GALNT5: variants seen among roughly 807,000 people sequenced by gnomAD.
The protein encoded by GALNT5 is UDP-GalNAc:polypeptide N-acetylgalactosaminyltransferase 5.
Under a neutral mutation model 85.4 loss-of-function variants are expected in GALNT5, and 72 were observed. The ratio of observed to expected loss-of-function variants is 0.84; its 90% CI spans 0.70 to 1.03. GALNT5 has a LOEUF of 1.03. Among genes scored for constraint, GALNT5 ranks in the 50% least tolerant of loss-of-function variants. GALNT5 has a pLI of 0.00. For synonymous variants in GALNT5, 404 were observed against 397.0 expected (o/e 1.02, Z -0.21); for missense variants, 1,137 against 1,135.5 (o/e 1.00, Z -0.02).
chr2:157,263,551 G>A (rs186388906), intron 1 of GALNT5, among the ~76,000 whole-genome samples: 4 of 152,252 alleles, frequency 2.6e-5, no homozygotes, highest in African/African-American at 4.8e-5. Flanking sequence ...ATCCTTGAAC[G>A]TCTGTTTTTC....
At chr2:157,271,124 G>C (rs2105125610) in intron 1 of GALNT5, among the ~76,000 whole-genome samples, 1 of 151,718 alleles carries the variant, frequency 6.6e-6, no homozygotes, top group African/African-American at 2.4e-5. Context: ...AAATGTGAAA[G>C]CGTTGTCAGA....
At chr2:157,274,762 T>G (rs1200881321) in intron 1 of GALNT5, among the ~76,000 whole-genome samples, 2 of 152,214 alleles carry the variant, frequency 1.3e-5, no homozygotes, top group Admixed American at 1.3e-4. Flanking sequence ...TGCAAAAATT[T>G]TCTCCCATTC....
chr2:157,287,964 C>T (rs1225982387), intron 3 of GALNT5, among the ~76,000 whole-genome samples: 1 of 152,192 alleles, frequency 6.6e-6, no homozygotes, highest in East Asian at 1.9e-4. Flanking sequence ...CACAGTGAGG[C>T]TGTGCCTTAT....
rs1683214099 is a variant in GALNT5, at chr2:157,296,400, G to A, written c.1884G>A (p.Met628Ile). The A allele has an allele frequency of 5.0e-6, 8 of 1,608,880 alleles. No individual in the cohort carries two copies. The highest frequency in any genetic ancestry group is 6.0e-6 in the Non-Finnish European group (7 of 1,175,474). Reference protein sequence around the residue: ...EVINDKDMSYMTVDNFQRGIF... With the variant: ...EVINDKDMSYITVDNFQRGIF... The stretch of plus-strand genomic sequence containing the variant: ...TTTTCATTTCCTGGATTAGTTACAT[G>A]ACAGTGGATAACTTTCAAAGAGGCA... Residue 628 changes from methionine (M) to isoleucine (I), a missense_variant, in exon 5 of 10, where the codon ATG becomes ATA. Physicochemically the swap from Met to Ile is conservative, Grantham distance 10 (BLOSUM62 1). Coordinates refer to ENST00000259056, the MANE Select transcript of GALNT5 (RefSeq NM_014568.3).
At chr2:157,310,315 C>A (rs1683542605) in intron 9 of GALNT5, among the ~76,000 whole-genome samples, 1 of 152,050 alleles carries the variant, frequency 6.6e-6, no homozygotes, top group African/African-American at 2.4e-5. Flanking sequence ...TTCAGTTTTT[C>A]AGTAGTTTTC....
intron 1 of GALNT5, among the ~76,000 whole-genome samples, chr2:157,282,781 T>C (rs144930369): frequency 1.4e-3 from 208 of 152,316 alleles, no homozygotes; most frequent in Non-Finnish European, 2.5e-3. Flanking sequence ...CATATTTCCT[T>C]ATATATCCTA....
rs141104683 is a variant in GALNT5, at chr2:157,300,961, C to G, written c.2401C>G (p.Pro801Ala). The G allele has an allele frequency of 2.2e-4, 359 of 1,613,968 alleles. 2 individuals carry two copies. Among genetic ancestry groups the G allele is most frequent in the Non-Finnish European group, 2.9e-4 (339 of 1,179,928 alleles). Residue 801 changes from proline to alanine, a missense_variant, in exon 7 of 10, where the codon CCT (proline) becomes GCT (alanine). Coordinates refer to ENST00000259056, the MANE Select transcript of GALNT5 (RefSeq NM_014568.3). The stretch of plus-strand genomic sequence containing the variant: ...CAAATGGTACTTGGAGAATGTCTTT[C>G]CTGACTTAAGGGCTCCCATTGTGAG... ...SFKWYLENVF[P>A]DLRAPIVRAS...
At position 157,259,086 on chromosome 2, in the gene GALNT5, C is replaced by A; in HGVS notation, c.1004C>A (p.Pro335His). 1 of 1,481,394 alleles carries A rather than the reference C, an allele frequency of 6.8e-7. No homozygotes were observed. Among genetic ancestry groups the A allele is most frequent in the Non-Finnish European group, 9.0e-7 (1 of 1,114,662 alleles). The allele number at this position is 1,481,394 out of a possible 1,614,324, so 91.8% of individuals were successfully genotyped here. Residue 335 changes from proline to histidine, a missense_variant, in exon 1 of 10, where the codon CCC becomes CAC. Physicochemically the swap from Pro to His is moderately conservative, Grantham distance 77. Transcript: ENST00000259056. Reference protein sequence around the residue: ...ITKEEEQKADPKEVSNSKTKT... With the variant: ...ITKEEEQKADHKEVSNSKTKT... ...AAAGAGGAAGAGCAAAAGGCAGACC[C>A]CAAAGAGGTCTCTAATTCTAAAACC...
rs1682220583 is a variant in GALNT5 at position 157,257,878 on chromosome 2, G to A, written c.-205G>A. 1 of 602,600 alleles carries A rather than the reference G, an allele frequency of 1.7e-6. No homozygotes were observed. The highest frequency in any genetic ancestry group is 1.8e-5 in the African/African-American group (1 of 54,582). 37.3% of individuals were successfully genotyped at this position (602,600 alleles called of 1,614,324 possible). The stretch of plus-strand genomic sequence containing the variant: ...CCAGCCAAGCAGGCACAGATGCTCT[G>A]CTATGAAATGCCACGCAGGCAGAGA... On this transcript the variant is annotated 5_prime_UTR_variant, in exon 1 of 10. Coordinates refer to ENST00000259056, the MANE Select transcript of GALNT5 (RefSeq NM_014568.3).
intron 7 of GALNT5, 54 bp from the exon 8 acceptor site, chr2:157,305,695 T>C: frequency 1.0e-6 from 1 of 987,936 alleles, no homozygotes; most frequent in Non-Finnish European, 1.6e-6. Flanking sequence ...TGTCTGAATG[T>C]CTTGTTTTAC....
rs1193940152 is a variant in GALNT5, at chr2:157,316,757, A to C, written c.*5409A>C. Among the ~76,000 whole-genome samples, 1 of 152,194 alleles carries C rather than the reference A, an allele frequency of 6.6e-6. No homozygotes were observed. The highest frequency in any genetic ancestry group is 1.9e-4 in the East Asian group (1 of 5,200). ...TTGGTGGTGTCTGTATCTCAAAGAA[A>C]GAAAAAAATAACATCACACTAAACA... On this transcript the variant is annotated 3_prime_UTR_variant, in exon 10 of 10. Coordinates refer to ENST00000259056, the MANE Select transcript of GALNT5 (RefSeq NM_014568.3).
At chr2:157,267,105 A>G (rs987617955) in intron 1 of GALNT5, among the ~76,000 whole-genome samples, 2 of 152,200 alleles carry the variant, frequency 1.3e-5, no homozygotes, top group Admixed American at 6.5e-5. Context: ...GTTGGGAAAA[A>G]GGAGATAAAA....
intron 1 of GALNT5, among the ~76,000 whole-genome samples, chr2:157,275,736 G>A (rs1682709487): frequency 6.6e-6 from 1 of 152,180 alleles, no homozygotes; most frequent in South Asian, 2.1e-4. Flanking sequence ...CTGAAACAAT[G>A]GAGTTTTTTA....
chr2:157,296,362 G>GA, intron 4 of GALNT5, 32 bp from the exon 5 acceptor site: 1 of 1,569,532 alleles, frequency 6.4e-7, no homozygotes, highest in Non-Finnish European at 8.8e-7. Flanking sequence ...TATAATCCCA[G>GA]ATAACACTTT....
At chr2:157,280,712 T>C (rs944485698) in intron 1 of GALNT5, among the ~76,000 whole-genome samples, 4 of 152,218 alleles carry the variant, frequency 2.6e-5, no homozygotes, top group African/African-American at 4.8e-5. Context: ...CATGTTGAAA[T>C]GTGACCTCCA....
At position 157,312,189 on chromosome 2, in the gene GALNT5, C is replaced by T. The variant is rs1393862766; in HGVS notation, c.*841C>T. 6.6e-6 allele frequency: 1 copy of T among 152,064 alleles called. No homozygotes were observed. Among genetic ancestry groups the T allele is most frequent in the Non-Finnish European group, 1.5e-5 (1 of 68,012 alleles). The allele number at this position is 152,064 out of a possible 1,614,324, so 9.4% of individuals were successfully genotyped here. ...AAAATGCATTTAAGCATTGAATGCA[C>T]TCTAGTGCAGGGCCAAGTAAGAGGA... is the stretch of plus-strand genomic sequence containing the variant. On this transcript the variant is annotated 3_prime_UTR_variant, in exon 10 of 10. Coordinates refer to ENST00000259056, the MANE Select transcript of GALNT5 (RefSeq NM_014568.3).
rs1349802356 is a variant in GALNT5, at chr2:157,315,841, G to A, written c.*4493G>A. 6.6e-6 allele frequency among the ~76,000 whole-genome samples: 1 copy of A among 152,158 alleles called. No individual in the cohort carries two copies. The highest frequency in any genetic ancestry group is 1.5e-5 in the Non-Finnish European group (1 of 68,034). ...GGACACAGACACACATGAGGAGTGG[G>A]TTTAGGAGTGGAAAGTTTAATAGAT... On this transcript the variant is annotated 3_prime_UTR_variant, in exon 10 of 10. Coordinates refer to ENST00000259056, the MANE Select transcript of GALNT5 (RefSeq NM_014568.3).
At chr2:157,276,877 A>T (rs747814766) in intron 1 of GALNT5, among the ~76,000 whole-genome samples, 11 of 151,768 alleles carry the variant, frequency 7.2e-5, no homozygotes, top group Non-Finnish European at 1.3e-4. Flanking sequence ...TGAATGTGTA[A>T]GCTCTTGCTT....
chr2:157,305,649 C>A (rs1683440022), intron 7 of GALNT5, 100 bp from the exon 8 acceptor site: 3 of 699,066 alleles, frequency 4.3e-6, no homozygotes, highest in Non-Finnish European at 7.6e-6. Context: ...TAACTTTTAA[C>A]CTTATTATAG....
Sources: gnomAD v4.1 joint callset for allele counts (sites outside exome capture counted in the v4.1 genomes callset) on GRCh38, gnomAD v4.1.1 for gene constraint, MANE v1.5 for transcripts, NCBI Gene and HGNC (gene_info 2026-07-23, HGNC 2026-07-21) for gene names.